The following ZMYM2 variants were observed in gnomAD, a reference collection of about 807,000 sequenced individuals.
ZMYM2 encodes the protein zinc finger MYM-type protein 2.
In ZMYM2, 56 loss-of-function variants were observed where a neutral mutation model predicts 162.8. The observed-to-expected ratio is 0.34, with a 90% confidence interval of 0.28 to 0.43. The LOEUF (loss-of-function observed/expected upper bound fraction) is 0.43, where lower values mean the gene tolerates loss of function less well. ZMYM2 is among the 20% of genes least tolerant of loss of function. The probability of loss-of-function intolerance (pLI) is 1.00; values close to 1 mark genes in which losing one functional copy is unlikely to be tolerated. For synonymous variants in ZMYM2, 510 were observed against 541.6 expected (o/e 0.94, Z 0.81); for missense variants, 1,275 against 1,621.8 (o/e 0.79, Z 3.67).
In ZMYM2 at chr13:20,059,585, T is replaced by C. The variant is rs763461215; in HGVS notation, c.2739+23T>C. On this transcript the variant is annotated intron_variant, in intron 16 of 24. Transcript: ENST00000610343. ...CCTGTAAGTCACATTTTAAGTTCTTTCTCATTTTGAGATTTAGCAGACACA... is the reference window on the plus strand; with the variant it reads ...CCTGTAAGTCACATTTTAAGTTCTTCCTCATTTTGAGATTTAGCAGACACA... The C allele has an allele frequency of 4.8e-6, 5 of 1,043,024 alleles. No homozygotes were observed. The Admixed American group carries it at 6.8e-5, about 14-fold the overall frequency. The allele number at this position is 1,043,024 out of a possible 1,614,324, so 64.6% of individuals were successfully genotyped here.
At chr13:19,958,413 G>A (rs1954711418), upstream of ZMYM2, among the ~76,000 whole-genome samples, 1 of 152,094 alleles carries the variant, frequency 6.6e-6, no homozygotes, top group South Asian at 2.1e-4. Context: ...AAGCGGGTTC[G>A]GTACGGCGGG....
intron 9 of ZMYM2, among the ~76,000 whole-genome samples, chr13:20,028,509 T>C (rs879760218): frequency 3.9e-5 from 6 of 152,194 alleles, no homozygotes; most frequent in Non-Finnish European, 8.8e-5. Flanking sequence ...GATAAGATCC[T>C]CTGTATATGT....
chr13:19,888,087 C>T, the ZMYM2 span, among the ~76,000 whole-genome samples: 1,863 of 151,880 alleles, frequency 0.012, 66 homozygotes, highest in African/African-American at 0.041. Flanking sequence ...TCCATGTTCC[C>T]AGCTTGGTCC....
intron 21 of ZMYM2, among the ~76,000 whole-genome samples, chr13:20,079,176 G>A (rs558350053): frequency 4.7e-4 from 71 of 151,476 alleles, no homozygotes; most frequent in African/African-American, 1.5e-3. Context: ...AAAATTAGCC[G>A]GGTGTGGTGG....
chr13:20,074,196 T>TTGTGTGTGTGTGTGTG (rs59855358), intron 21 of ZMYM2, among the ~76,000 whole-genome samples: 1 of 141,502 alleles, frequency 7.1e-6, no homozygotes, highest in Non-Finnish European at 1.5e-5. Context: ...ATGTCAGAAT[T>TTGTGTGTGTGTGTGTG]TGTGTGTGTG....
At chr13:19,976,313 T>C (rs7983428) in intron 2 of ZMYM2, among the ~76,000 whole-genome samples, 15,458 of 144,708 alleles carry the variant, frequency 0.11, 1,300 homozygotes, top group African/African-American at 0.23. Context: ...GGCGACAGAG[T>C]GAGACTGCAC....
At chr13:20,037,578 T>C (rs1953842809) in intron 12 of ZMYM2, among the ~76,000 whole-genome samples, 1 of 152,190 alleles carries the variant, frequency 6.6e-6, no homozygotes, top group African/African-American at 2.4e-5. Context: ...TTTTGGATAC[T>C]TGAGATATAT....
At position 20,028,949 on chromosome 13, in the gene ZMYM2, A is replaced by G. The variant is rs1952825513; in HGVS notation, c.1851+1631A>G. The stretch of plus-strand genomic sequence containing the variant: ...CAGCTTCATCTCTCTGCATATAAAT[A>G]ATACAAAATTGACAGAAAAGCAACA... On this transcript the variant is annotated intron_variant, in intron 9 of 24. Coordinates refer to ENST00000610343, the MANE Select transcript of ZMYM2 (RefSeq NM_197968.4). 2.0e-5 allele frequency among the ~76,000 whole-genome samples: 3 copies of G among 152,196 alleles called. No individual in the cohort carries two copies. In the South Asian group the frequency reaches 6.2e-4, roughly 32 times the overall value.
intron 21 of ZMYM2, among the ~76,000 whole-genome samples, chr13:20,079,314 C>A (rs2141015720): frequency 6.6e-5 from 3 of 45,600 alleles, no homozygotes; most frequent in East Asian, 7.5e-4. Flanking sequence ...AAGACTCTGT[C>A]TCAAAAAAAA....
chr13:20,044,734 C>T (rs925150219), intron 12 of ZMYM2, among the ~76,000 whole-genome samples: 1 of 152,086 alleles, frequency 6.6e-6, no homozygotes, highest in Non-Finnish European at 1.5e-5. Context: ...GCTGAAACTT[C>T]ATTGTGGGTA....
chr13:19,977,869 A>G (rs1012456704), intron 2 of ZMYM2, among the ~76,000 whole-genome samples: 3 of 143,594 alleles, frequency 2.1e-5, no homozygotes, highest in Non-Finnish European at 3.1e-5. Context: ...TCTTTTCTAT[A>G]TATTTTAAAA....
chr13:19,868,593 T>C, the ZMYM2 span, among the ~76,000 whole-genome samples: 1 of 152,164 alleles, frequency 6.6e-6, no homozygotes, highest in Non-Finnish European at 1.5e-5. Context: ...TTATAGGCTT[T>C]TCAGGGAACA....
intron 9 of ZMYM2, among the ~76,000 whole-genome samples, chr13:20,030,805 A>G (rs530371242): frequency 1.2e-4 from 18 of 152,314 alleles, no homozygotes; most frequent in Non-Finnish European, 2.1e-4. Context: ...AAGTGCTAGA[A>G]TTACAGATGT....
chr13:20,067,237 A>G lies in ZMYM2; in HGVS notation c.3302-2A>G. On this transcript the variant is annotated splice_acceptor_variant, in intron 20 of 24. Transcript: ENST00000610343. LOFTEE classifies it high-confidence loss of function. The stretch of plus-strand genomic sequence containing the variant: ...ATTATTTTTTATTTTATGTATTTTT[A>G]GCTAAATCAGTAAAGTTAAAAGAGG... 6.5e-7 allele frequency: 1 copy of G among 1,531,920 alleles called. No homozygotes were observed. Among genetic ancestry groups the G allele is most frequent in the Non-Finnish European group, 8.8e-7 (1 of 1,136,028 alleles). 94.9% of individuals were successfully genotyped at this position (1,531,920 alleles called of 1,614,324 possible).
rs756207787 is a variant in ZMYM2, at chr13:20,031,406, T to G, written c.1939T>G (p.Cys647Gly). The G allele has an allele frequency of 6.2e-7, 1 of 1,606,740 alleles. No homozygotes were observed. Among genetic ancestry groups the G allele is most frequent in the African/African-American group, 1.3e-5 (1 of 74,618 alleles). Residue 647 changes from cysteine (C) to glycine (G), a missense_variant, in exon 10 of 25, where the codon TGT becomes GGT. Physicochemically the swap from Cys to Gly is radical, Grantham distance 159. Around this residue, in one of 10 missense-constraint regions of ZMYM2, gnomAD observed 276 missense variants for 311.8 expected, o/e 0.89. Coordinates refer to ENST00000610343, the MANE Select transcript of ZMYM2 (RefSeq NM_197968.4). ...ATGCAACTACTGCAAAAATTCCTTT[T>G]GTTCAAAACCAGAAATCCTGGAATG... ...LKCNYCKNSF[C>G]SKPEILEWEN...
rs548173275 is a variant in ZMYM2, at chr13:20,004,897, A to G, written c.1134-177A>G. 8.5e-5 allele frequency among the ~76,000 whole-genome samples: 13 copies of G among 152,322 alleles called. No homozygotes were observed. In the South Asian group the frequency reaches 1.2e-3, roughly 15 times the overall value. On this transcript the variant is annotated intron_variant, in intron 4 of 24. Transcript: ENST00000610343. ...TAGTATAAAATATTTTTGCTTCTCA[A>G]AAGTCTTTATTTCCAAACATATTTT...
At chr13:20,048,356 A>G (rs2140520062) in intron 12 of ZMYM2, among the ~76,000 whole-genome samples, 1 of 151,894 alleles carries the variant, frequency 6.6e-6, no homozygotes, top group East Asian at 1.9e-4. Flanking sequence ...ATTGCCTTAA[A>G]TATATATTTT....
At chr13:19,953,623 G>C in the ZMYM2 span, among the ~76,000 whole-genome samples, 1 of 135,334 alleles carries the variant, frequency 7.4e-6, no homozygotes, top group East Asian at 2.3e-4. Flanking sequence ...GGCAGAGGTT[G>C]CAGTGAGCTG....
chr13:20,068,783 G>A (rs1028344912), intron 21 of ZMYM2, among the ~76,000 whole-genome samples: 15 of 152,064 alleles, frequency 9.9e-5, no homozygotes, highest in Admixed American at 9.8e-4. Context: ...ATTTTTTAAA[G>A]TGCTGTAGAG....
Sources: allele counts gnomAD v4.1 joint callset (sites outside exome capture counted in the v4.1 genomes callset), GRCh38; gene constraint gnomAD v4.1.1; regional missense constraint gnomAD v4.1.1; transcripts MANE v1.5; gene names NCBI Gene and HGNC (gene_info 2026-07-23, HGNC 2026-07-21).